Variants in EYA4 observed in about 807,000 individuals in gnomAD.
EYA4 encodes protein phosphatase EYA4.
Under a neutral mutation model 87.9 loss-of-function variants are expected in EYA4, and 31 were observed. That is an observed-to-expected ratio of 0.35 (90% CI 0.27 to 0.48). The LOEUF is 0.48. Ranked by LOEUF, EYA4 falls within the 20% of genes least tolerant of loss-of-function variation. The probability of loss-of-function intolerance (pLI) is 0.99; values close to 1 mark genes in which losing one functional copy is unlikely to be tolerated. For missense variants in EYA4, 678 were observed against 761.4 expected (o/e 0.89, Z 1.29); for synonymous variants, 263 against 270.6 (o/e 0.97, Z 0.28).
At chr6:133,282,588 G>GTATA (rs775377477) in intron 2 of EYA4, among the ~76,000 whole-genome samples, 1 of 98,332 alleles carries the variant, frequency 1.0e-5, no homozygotes, top group Admixed American at 1.0e-4. Context: ...ATATGTGTGT[G>GTATA]TATATATATA....
intron 1 of EYA4, among the ~76,000 whole-genome samples, chr6:133,256,261 G>A (rs1159895115): frequency 6.6e-6 from 1 of 151,228 alleles, no homozygotes; most frequent in Admixed American, 6.6e-5. Context: ...TCATTTTTAT[G>A]AATGCATATT....
At chr6:133,375,018 C>T (rs910146415) in intron 2 of EYA4, among the ~76,000 whole-genome samples, 3 of 151,924 alleles carry the variant, frequency 2.0e-5, no homozygotes, top group Non-Finnish European at 2.9e-5. Flanking sequence ...TTTTTTAAAA[C>T]TCTTGGTGAC....
intron 11 of EYA4, among the ~76,000 whole-genome samples, chr6:133,474,136 A>G (rs1422022895): frequency 3.3e-5 from 5 of 152,034 alleles, no homozygotes; most frequent in African/African-American, 9.7e-5. Context: ...AATTATCAAG[A>G]TATCAGAGAC....
chr6:133,338,520 C>A (rs1252934896), intron 2 of EYA4, among the ~76,000 whole-genome samples: 1 of 152,090 alleles, frequency 6.6e-6, no homozygotes, highest in Non-Finnish European at 1.5e-5. Context: ...GATAACAATT[C>A]ATACAAATTA....
chr6:133,482,373 C>A (rs1162530601), intron 12 of EYA4, among the ~76,000 whole-genome samples: 1 of 152,198 alleles, frequency 6.6e-6, no homozygotes, highest in Non-Finnish European at 1.5e-5. Flanking sequence ...AGTTGCCCAG[C>A]AGACTGTGAG....
chr6:133,387,249 G>A (rs961235605), intron 3 of EYA4, among the ~76,000 whole-genome samples: 2 of 152,136 alleles, frequency 1.3e-5, no homozygotes, highest in African/African-American at 4.8e-5. Flanking sequence ...AATTATTGCA[G>A]TACTTCCGGA....
At chr6:133,357,380 A>G (rs1417991344) in intron 2 of EYA4, among the ~76,000 whole-genome samples, 1 of 151,440 alleles carries the variant, frequency 6.6e-6, no homozygotes, top group African/African-American at 2.4e-5. Flanking sequence ...GGACCTTTGT[A>G]TTATTCTCAC....
chr6:133,460,005 G>T (rs1794238775), intron 6 of EYA4, among the ~76,000 whole-genome samples: 1 of 152,046 alleles, frequency 6.6e-6, no homozygotes, highest in Non-Finnish European at 1.5e-5. Flanking sequence ...TTGTGAAGCA[G>T]ATCACAAGGG....
chr6:133,250,694 G>A (rs1774825712), intron 1 of EYA4, among the ~76,000 whole-genome samples: 1 of 151,922 alleles, frequency 6.6e-6, no homozygotes, highest in South Asian at 2.1e-4. Flanking sequence ...AGGCACTTGG[G>A]TTCAGACCTC....
chr6:133,512,755 C>CTGA lies in EYA4; in HGVS notation c.1321_1323dup (p.Asp441dup), dbSNP rs1382375530. The CTGA allele has an allele frequency of 6.2e-7, 1 of 1,613,504 alleles. No individual in the cohort carries two copies. On this transcript the variant is annotated inframe_insertion, in exon 15 of 20. Transcript: ENST00000355286. ...CAAGTTCATATAGATGATGTTTCCTCTGATGATAATGGGCAGGACTTAAGG... is the reference window on the plus strand; with the variant it reads ...CAAGTTCATATAGATGATGTTTCCTCTGATGATGATAATGGGCAGGACTTAAGG...
At chr6:133,483,229 A>T (rs1044287616) in intron 13 of EYA4, 114 bp downstream of exon 13, 2 of 743,136 alleles carry the variant, frequency 2.7e-6, no homozygotes, top group Non-Finnish European at 4.6e-6. Flanking sequence ...AGTCTGTGAA[A>T]TCTTCTCTTA....
At chr6:133,321,921 G>A (rs1174356016) in intron 2 of EYA4, among the ~76,000 whole-genome samples, 2 of 152,096 alleles carry the variant, frequency 1.3e-5, no homozygotes, top group Non-Finnish European at 2.9e-5. Context: ...GAGGCCCGAG[G>A]GCCCATGGTC....
intron 3 of EYA4, 25 bp from the exon 4 acceptor site, chr6:133,446,605 T>C (rs769037248): frequency 6.8e-6 from 11 of 1,613,614 alleles, no homozygotes; most frequent in Non-Finnish European, 9.3e-6. Flanking sequence ...TTTCAACTTT[T>C]CTCTGCTGCT....
chr6:133,477,413 CTTTT>C (rs1322963679), intron 11 of EYA4, among the ~76,000 whole-genome samples: 1 of 151,964 alleles, frequency 6.6e-6, no homozygotes, highest in Non-Finnish European at 1.5e-5. Context: ...TTTATGTCTT[CTTTT>C]GAGTGATGAT....
intron 13 of EYA4, among the ~76,000 whole-genome samples, chr6:133,491,734 G>A (rs7764488): frequency 0.26 from 40,172 of 151,698 alleles, 5,779 homozygotes; most frequent in South Asian, 0.38. Context: ...GGCAGATCAC[G>A]AGGTCAGGAG....
intron 13 of EYA4, among the ~76,000 whole-genome samples, chr6:133,489,479 A>G (rs76311696): frequency 1.8e-3 from 272 of 152,292 alleles, no homozygotes; most frequent in African/African-American, 6.3e-3. Flanking sequence ...AAAGCCCAAG[A>G]ATAAAGAAAG....
At chr6:133,274,646 T>C (rs1162755636) in intron 1 of EYA4, 70 bp from the exon 2 acceptor site, 1 of 765,580 alleles carries the variant, frequency 1.3e-6, no homozygotes, top group Admixed American at 2.1e-5. Context: ...TGTCTTGATA[T>C]GTTTTTGTAA....
At chr6:133,497,880 GAA>G (rs1797769667) in intron 13 of EYA4, among the ~76,000 whole-genome samples, 1 of 152,162 alleles carries the variant, frequency 6.6e-6, no homozygotes, top group African/African-American at 2.4e-5. Context: ...GGAACTGCAG[GAA>G]AAGTGAATGG....
At chr6:133,266,084 A>G (rs960905480) in intron 1 of EYA4, among the ~76,000 whole-genome samples, 1 of 152,206 alleles carries the variant, frequency 6.6e-6, no homozygotes, top group Non-Finnish European at 1.5e-5. Context: ...GTGTTCCGTA[A>G]AAGATACTTT....
Sources: allele counts gnomAD v4.1 joint callset (sites outside exome capture counted in the v4.1 genomes callset), GRCh38; gene constraint gnomAD v4.1.1; transcripts MANE v1.5; gene names NCBI Gene and HGNC (gene_info 2026-07-23, HGNC 2026-07-21).